Variants in GTF2IRD1 observed in about 807,000 individuals in gnomAD.
The protein encoded by GTF2IRD1 is general transcription factor II-I repeat domain-containing protein 1.
Under a neutral mutation model 113.2 loss-of-function variants are expected in GTF2IRD1, and 26 were observed. The ratio of observed to expected loss-of-function variants is 0.23; its 90% confidence interval spans 0.17 to 0.32. The LOEUF (loss-of-function observed/expected upper bound fraction) is 0.32, where lower values mean the gene tolerates loss of function less well. Among genes scored for constraint, GTF2IRD1 ranks in the 10% least tolerant of loss-of-function variants. GTF2IRD1 has a pLI of 1.00. For missense variants in GTF2IRD1, 864 were observed against 1,280.8 expected (o/e 0.67, Z 4.97); for synonymous variants, 484 against 529.1 (o/e 0.91, Z 1.17).
intron 22 of GTF2IRD1, among the ~76,000 whole-genome samples, chr7:74,586,161 C>T (rs587620241): frequency 3.3e-5 from 5 of 152,330 alleles, no homozygotes; most frequent in Admixed American, 3.3e-4. Flanking sequence ...GAGAATCCTG[C>T]CACCAAAGAT....
At chr7:74,601,279 G>A in intron 26 of GTF2IRD1, 99 bp downstream of exon 26, 2 of 1,548,824 alleles carry the variant, frequency 1.3e-6, no homozygotes, top group African/African-American at 1.4e-5. Context: ...CCAGGGGACG[G>A]GGAGGCACTG....
chr7:74,510,414 C>T (rs1448262837), intron 2 of GTF2IRD1, among the ~76,000 whole-genome samples: 2 of 150,776 alleles, frequency 1.3e-5, no homozygotes, highest in Non-Finnish European at 2.9e-5. Flanking sequence ...TCAAGTGATT[C>T]TCCTGCCTCA....
At chr7:74,491,311 C>CTTT (rs1178298791) in intron 1 of GTF2IRD1, among the ~76,000 whole-genome samples, 8 of 95,684 alleles carry the variant, frequency 8.4e-5, no homozygotes, top group African/African-American at 1.2e-4. Context: ...AAAAAAAATT[C>CTTT]TTTTTTTTTT....
At chr7:74,570,462 TG>T (rs1341686139) in intron 22 of GTF2IRD1, among the ~76,000 whole-genome samples, 1 of 151,706 alleles carries the variant, frequency 6.6e-6, no homozygotes, top group Admixed American at 6.6e-5. Context: ...GAGACCAGCC[TG>T]GGCAACATAG....
At chr7:74,466,781 T>C (rs1554330928) in intron 1 of GTF2IRD1, among the ~76,000 whole-genome samples, 1 of 151,960 alleles carries the variant, frequency 6.6e-6, no homozygotes, top group East Asian at 1.9e-4. Flanking sequence ...ACAGACAGAG[T>C]GTGACTTCCA....
chr7:74,479,814 G>A (rs368734733), intron 1 of GTF2IRD1, among the ~76,000 whole-genome samples: 3 of 146,604 alleles, frequency 2.0e-5, no homozygotes, highest in African/African-American at 5.1e-5. Flanking sequence ...CTGGAGTGGC[G>A]TGGTCTTGGC....
At chr7:74,470,784 C>T (rs1486572172) in intron 1 of GTF2IRD1, among the ~76,000 whole-genome samples, 10 of 152,100 alleles carry the variant, frequency 6.6e-5, no homozygotes, top group Non-Finnish European at 4.4e-5. Flanking sequence ...AAGGCCGCTT[C>T]CAACCTAGTT....
rs1392596674 is a variant in GTF2IRD1 at position 74,556,495 on chromosome 7, A to G, written c.2023+1001A>G. Among the ~76,000 whole-genome samples, 5 of 147,608 alleles carry G rather than the reference A, an allele frequency of 3.4e-5. No individual in the cohort carries two copies. In the East Asian group the frequency reaches 8.3e-4, roughly 25 times the overall value. ...GCCACCACACCCGGCTAATTTTTGT[A>G]TTTTTTAGTAGAGACGGGGTTTCAC... On this transcript the variant is annotated intron_variant, in intron 19 of 26. Transcript: ENST00000424337.
At chr7:74,490,006 C>T (rs1795244928) in intron 1 of GTF2IRD1, among the ~76,000 whole-genome samples, 1 of 152,006 alleles carries the variant, frequency 6.6e-6, no homozygotes, top group Non-Finnish European at 1.5e-5. Context: ...CTAGCTCTGT[C>T]CCCTGGGTTG....
intron 8 of GTF2IRD1, among the ~76,000 whole-genome samples, chr7:74,528,758 A>ATGAATGG (rs1562838341): frequency 1.9e-5 from 1 of 52,246 alleles, no homozygotes; most frequent in Non-Finnish European, 3.6e-5. Flanking sequence ...TGGATGGATG[A>ATGAATGG]ATGGATGGAT....
intron 1 of GTF2IRD1, among the ~76,000 whole-genome samples, chr7:74,466,625 C>T (rs2267838): frequency 0.48 from 73,350 of 151,984 alleles, 18,162 homozygotes; most frequent in East Asian, 0.74. Flanking sequence ...TTGCAGGTCT[C>T]AGCTGGGTTG....
chr7:74,529,948 G>A lies in GTF2IRD1; in HGVS notation c.1274+31G>A, dbSNP rs369382417. 1.3e-5 allele frequency: 21 copies of A among 1,557,158 alleles called. No homozygotes were observed. The African/African-American group carries it at 2.0e-4, about 15-fold the overall frequency. On this transcript the variant is annotated intron_variant, in intron 9 of 26. Transcript: ENST00000424337. ...GGTGGGGCTGGGCGCAGTGGCTCAT[G>A]CCTGTAATCCCAGCACTTTGGGAGG...
At chr7:74,549,967 G>A (rs1465692514) in intron 17 of GTF2IRD1, among the ~76,000 whole-genome samples, 5 of 151,930 alleles carry the variant, frequency 3.3e-5, no homozygotes, top group Non-Finnish European at 7.4e-5. Context: ...AACCCAGGAG[G>A]CAGAAGTTGC....
At chr7:74,534,266 C>T (rs587774480) in intron 9 of GTF2IRD1, among the ~76,000 whole-genome samples, 17 of 152,292 alleles carry the variant, frequency 1.1e-4, no homozygotes, top group African/African-American at 3.1e-4. Context: ...CCTCCAAGAC[C>T]GCCCCAGGGG....
At chr7:74,589,734 G>A (rs1225497434) in intron 22 of GTF2IRD1, 117 bp from the exon 23 acceptor site, 2 of 641,396 alleles carry the variant, frequency 3.1e-6, no homozygotes, top group Non-Finnish European at 5.7e-6. Context: ...ATAGGAGTGG[G>A]TCGGCCCTGC....
rs1801944968 is a variant in GTF2IRD1 at position 74,589,800 on chromosome 7, C to T, written c.2321-51C>T. On this transcript the variant is annotated intron_variant, in intron 22 of 26. Transcript: ENST00000424337. ...CGCCTGGTGGGAGAAGCAGCAGGTC[C>T]AGTGGCTAAGCTGGTGCCAACTCTC... 6.3e-6 allele frequency: 7 copies of T among 1,112,044 alleles called. 1 individual carries two copies. The highest frequency in any genetic ancestry group is 6.2e-5 in the South Asian group (5 of 80,388). The allele number at this position is 1,112,044 out of a possible 1,614,324, so 68.9% of individuals were successfully genotyped here.
chr7:74,553,420 T>C (rs1799421228), intron 17 of GTF2IRD1, among the ~76,000 whole-genome samples: 2 of 152,290 alleles, frequency 1.3e-5, no homozygotes, highest in South Asian at 4.2e-4. Flanking sequence ...CCTGAGTAGC[T>C]GGGACTGCAG....
At chr7:74,515,722 G>A in intron 4 of GTF2IRD1, 126 bp downstream of exon 4, 2 of 714,998 alleles carry the variant, frequency 2.8e-6, no homozygotes, top group Non-Finnish European at 4.6e-6. Flanking sequence ...CAAGGCATGG[G>A]GCTACTGGCT....
At chr7:74,490,276 T>G (rs1056618752) in intron 1 of GTF2IRD1, among the ~76,000 whole-genome samples, 1 of 152,000 alleles carries the variant, frequency 6.6e-6, no homozygotes, top group Non-Finnish European at 1.5e-5. Context: ...ACCCCAGGTG[T>G]CTTAACCATG....
Sources: gnomAD v4.1 joint callset for allele counts (sites outside exome capture counted in the v4.1 genomes callset) on GRCh38, gnomAD v4.1.1 for gene constraint, MANE v1.5 for transcripts, NCBI Gene and HGNC (gene_info 2026-07-23, HGNC 2026-07-21) for gene names.